Variants in WDFY2 observed in about 807,000 individuals in gnomAD.
WDFY2 encodes WD repeat and FYVE domain containing 2.
WDFY2 carries 36 observed loss-of-function variants against 56.4 expected under a neutral mutation model. The observed-to-expected ratio is 0.64, with a 90% CI of 0.49 to 0.84. The LOEUF (loss-of-function observed/expected upper bound fraction) is 0.84. Ranked by LOEUF, WDFY2 falls within the 40% of genes least tolerant of loss-of-function variation. WDFY2 has a pLI of 0.00. For synonymous variants in WDFY2, 176 were observed against 183.7 expected, an observed-to-expected ratio of 0.96 and a Z score of 0.34; for missense variants, 444 against 512.2, an observed-to-expected ratio of 0.87 and a Z score of 1.29.
chr13:51,651,332 T>C (rs1283332141), intron 1 of WDFY2, among the ~76,000 whole-genome samples: 1 of 152,218 alleles, frequency 6.6e-6, no homozygotes, highest in Non-Finnish European at 1.5e-5. Context: ...TTGCTAGTGG[T>C]CTATCAATTT....
Position 51,764,337 on chromosome 13 carries a change from G to A in WDFY2, c.*4568G>A, listed in dbSNP as rs923997626. The A allele has an allele frequency of 1.3e-5, 2 of 152,460 alleles. No homozygotes were observed. Among genetic ancestry groups the A allele is most frequent in the Admixed American group, 6.5e-5 (1 of 15,294 alleles). The allele number at this position is 152,460 out of a possible 1,614,324, so 9.4% of individuals were successfully genotyped here. A position where few individuals can be genotyped will look rare whatever the true frequency, so the allele number is the denominator to read the frequency against. On this transcript the variant is annotated 3_prime_UTR_variant, in exon 12 of 12. Coordinates refer to ENST00000298125, the MANE Select transcript of WDFY2 (RefSeq NM_052950.4). ...CCAGGGTGCCACTAACCCAGCAGGT[G>A]TGGCAGGAGGGGCTTCACAGAGGAA... is the stretch of plus-strand genomic sequence containing the variant.
chr13:51,720,079 T>C (rs1430747340), intron 5 of WDFY2, among the ~76,000 whole-genome samples: 2 of 152,126 alleles, frequency 1.3e-5, no homozygotes, highest in Non-Finnish European at 2.9e-5. Context: ...AAAAAGCATA[T>C]GGTCTTTTTA....
intron 1 of WDFY2, among the ~76,000 whole-genome samples, chr13:51,636,789 G>A (rs1042365922): frequency 5.9e-5 from 9 of 152,122 alleles, no homozygotes; most frequent in East Asian, 1.9e-4. Context: ...AGGGACCCAC[G>A]TTTATATGGT....
chr13:51,750,829 A>T (rs1415419349), intron 7 of WDFY2, among the ~76,000 whole-genome samples: 1 of 152,192 alleles, frequency 6.6e-6, no homozygotes, highest in Non-Finnish European at 1.5e-5. Context: ...GTCCCAAGCC[A>T]CTTGTGAGGT....
chr13:51,712,709 T>C (rs1952249725), intron 4 of WDFY2, among the ~76,000 whole-genome samples: 1 of 142,486 alleles, frequency 7.0e-6, no homozygotes, highest in Non-Finnish European at 1.5e-5. Flanking sequence ...ATAAGCTCAA[T>C]AAAATTGATA....
chr13:51,761,673 G>C lies in WDFY2; in HGVS notation c.*1904G>C, dbSNP rs781167013. ...CATTCATTACTTCTCTAACTAGGGGGAAGTACTACAAGCTGTCCTCAGGTA... is the reference window on the plus strand; with the variant it reads ...CATTCATTACTTCTCTAACTAGGGGCAAGTACTACAAGCTGTCCTCAGGTA... On this transcript the variant is annotated 3_prime_UTR_variant, in exon 12 of 12. Coordinates refer to ENST00000298125, the MANE Select transcript of WDFY2 (RefSeq NM_052950.4). The C allele has an allele frequency of 6.6e-6, 1 of 152,180 alleles. No homozygotes were observed. The highest frequency in any genetic ancestry group is 1.5e-5 in the Non-Finnish European group (1 of 68,050). The allele number at this position is 152,180 out of a possible 1,614,324, so 9.4% of individuals were successfully genotyped here.
chr13:51,635,200 T>C (rs1955022610), intron 1 of WDFY2, among the ~76,000 whole-genome samples: 1 of 152,146 alleles, frequency 6.6e-6, no homozygotes, highest in South Asian at 2.1e-4. Flanking sequence ...CATCTCGGCC[T>C]CCCAAAGTCC....
chr13:51,735,207 G>A (rs1183827252), intron 6 of WDFY2, among the ~76,000 whole-genome samples: 1 of 152,192 alleles, frequency 6.6e-6, no homozygotes, highest in Non-Finnish European at 1.5e-5. Context: ...TGTCCTGGAT[G>A]CCTCTTGCTT....
chr13:51,620,869 C>G (rs1208388402), intron 1 of WDFY2, among the ~76,000 whole-genome samples: 1 of 152,144 alleles, frequency 6.6e-6, no homozygotes, highest in Non-Finnish European at 1.5e-5. Context: ...CGGACGCACT[C>G]ATCTCATCCA....
At chr13:51,638,897 CT>C (rs1955102966) in intron 1 of WDFY2, among the ~76,000 whole-genome samples, 1 of 152,156 alleles carries the variant, frequency 6.6e-6, no homozygotes, top group Non-Finnish European at 1.5e-5. Flanking sequence ...ATTTCAGAAT[CT>C]TTTTGCAGTT....
At chr13:51,599,917 AAAAC>A (rs1394139117) in intron 1 of WDFY2, among the ~76,000 whole-genome samples, 1 of 151,972 alleles carries the variant, frequency 6.6e-6, no homozygotes, top group Non-Finnish European at 1.5e-5. Context: ...ACAAAACAAA[AAAAC>A]CAAAAAACCA....
At chr13:51,596,104 G>A (rs1954138620) in intron 1 of WDFY2, among the ~76,000 whole-genome samples, 2 of 152,028 alleles carry the variant, frequency 1.3e-5, no homozygotes, top group Admixed American at 1.3e-4. Context: ...GTGTTCGTTG[G>A]GGGAGAAGGA....
In WDFY2 at chr13:51,623,865, G is replaced by A. The variant is rs183782197; in HGVS notation, c.138-36731G>A. Among the ~76,000 whole-genome samples the A allele has an allele frequency of 9.9e-5, 15 of 150,960 alleles. No individual in the cohort carries two copies. In the East Asian group the frequency reaches 2.7e-3, roughly 27 times the overall value. ...GTTTTTTTTTTTTTTAAAGGAATAGGCACTTTTTTTAACCTATAGAAGTTA... is the reference window on the plus strand; with the variant it reads ...GTTTTTTTTTTTTTTAAAGGAATAGACACTTTTTTTAACCTATAGAAGTTA... On this transcript the variant is annotated intron_variant, in intron 1 of 11. Coordinates refer to ENST00000298125, the MANE Select transcript of WDFY2 (RefSeq NM_052950.4).
At chr13:51,746,803 C>G (rs545207751) in intron 7 of WDFY2, among the ~76,000 whole-genome samples, 2 of 152,302 alleles carry the variant, frequency 1.3e-5, no homozygotes, top group East Asian at 3.9e-4. Context: ...AAAACAACAT[C>G]AACAGTATTC....
intron 1 of WDFY2, among the ~76,000 whole-genome samples, chr13:51,641,058 T>C (rs1955145412): frequency 6.6e-6 from 1 of 152,152 alleles, no homozygotes; most frequent in South Asian, 2.1e-4. Context: ...GGGTCCATCT[T>C]ATTCATGGAG....
chr13:51,732,276 G>T lies in WDFY2; in HGVS notation c.598+4486G>T, dbSNP rs375579394. ...CTCCCTAGTAGCTGGGACCACAGGT[G>T]CCCGCCACCATGGCCGACTAATTTT... is the stretch of plus-strand genomic sequence containing the variant. On this transcript the variant is annotated intron_variant, in intron 6 of 11. Coordinates refer to ENST00000298125, the MANE Select transcript of WDFY2 (RefSeq NM_052950.4). Among the ~76,000 whole-genome samples, 751 of 152,122 alleles carry T rather than the reference G, an allele frequency of 4.9e-3. 5 individuals carry two copies. Among genetic ancestry groups the T allele is most frequent in the African/African-American group, 0.014 (588 of 41,488 alleles).
intron 3 of WDFY2, among the ~76,000 whole-genome samples, chr13:51,680,286 T>C (rs1468812658): frequency 6.6e-6 from 1 of 152,038 alleles, no homozygotes; most frequent in Non-Finnish European, 1.5e-5. Flanking sequence ...GCTTTTTTCG[T>C]AGATGGGGTC....
intron 1 of WDFY2, among the ~76,000 whole-genome samples, chr13:51,648,343 A>G (rs1955300311): frequency 6.6e-6 from 1 of 152,148 alleles, no homozygotes; most frequent in Non-Finnish European, 1.5e-5. Flanking sequence ...CAGTCAGAGG[A>G]CTTTCTGACA....
chr13:51,680,106 A>G (rs1955953488), intron 3 of WDFY2, among the ~76,000 whole-genome samples: 1 of 151,480 alleles, frequency 6.6e-6, no homozygotes, highest in Non-Finnish European at 1.5e-5. Flanking sequence ...ACGGATGTTT[A>G]TTTGTTTGTT....
Sources: allele counts gnomAD v4.1 joint callset (sites outside exome capture counted in the v4.1 genomes callset), GRCh38; gene constraint gnomAD v4.1.1; transcripts MANE v1.5; gene names NCBI Gene and HGNC (gene_info 2026-07-23, HGNC 2026-07-21).